Variants in TET3 observed in about 807,000 individuals in gnomAD.
TET3 encodes methylcytosine dioxygenase TET3.
Under a neutral mutation model 141.4 loss-of-function variants are expected in TET3, and 19 were observed. The observed-to-expected ratio is 0.13, with a 90% confidence interval of 0.09 to 0.20. The LOEUF (loss-of-function observed/expected upper bound fraction) is 0.20, where lower values mean the gene tolerates loss of function less well. Among genes scored for constraint, TET3 ranks in the 10% least tolerant of loss-of-function variants. The probability of loss-of-function intolerance (pLI) is 1.00; values close to 1 mark genes in which losing one functional copy is unlikely to be tolerated. For missense variants in TET3, 1,874 were observed against 2,356.9 expected (o/e 0.80, Z 4.24); for synonymous variants, 1,043 against 980.9 (o/e 1.06, Z -1.18).
chr2:74,033,518 G>A (rs1686865561), intron 3 of TET3, among the ~76,000 whole-genome samples: 1 of 152,104 alleles, frequency 6.6e-6, no homozygotes. Flanking sequence ...TTAAGCAGTT[G>A]TGTACATCTA....
At chr2:74,051,390 T>C (rs949166431) in intron 4 of TET3, among the ~76,000 whole-genome samples, 1 of 152,160 alleles carries the variant, frequency 6.6e-6, no homozygotes, top group African/African-American at 2.4e-5. Context: ...ATCATCTCAG[T>C]TGAGTTTTAG....
At chr2:74,021,412 C>T (rs948237135) in intron 3 of TET3, among the ~76,000 whole-genome samples, 2 of 152,266 alleles carry the variant, frequency 1.3e-5, no homozygotes, top group Admixed American at 6.5e-5. Flanking sequence ...TGTTTCTACA[C>T]TGCCACCTCC....
At chr2:74,095,893 C>T (rs1055424238) in intron 10 of TET3, among the ~76,000 whole-genome samples, 1 of 152,220 alleles carries the variant, frequency 6.6e-6, no homozygotes, top group African/African-American at 2.4e-5. Context: ...ACTAATTCTC[C>T]TACTTACTTG....
At chr2:74,124,096 C>A in the TET3 span, among the ~76,000 whole-genome samples, 1 of 151,108 alleles carries the variant, frequency 6.6e-6, no homozygotes, top group Non-Finnish European at 1.5e-5. Context: ...GGAGCCCCTC[C>A]GCCCAGCAGC....
In TET3 at chr2:74,080,515, A is replaced by G; in HGVS notation, c.2603A>G (p.Lys868Arg). The change falls in exon 6 of 12, where the codon AAA becomes AGA. Residue 868 changes from lysine (K) to arginine (R), a missense_variant. Coordinates refer to ENST00000409262, the MANE Select transcript of TET3 (RefSeq NM_001287491.2). ...CTCTTCAGGTATGGAGAGAAGGGGA[A>G]AGCCATCCGGATCGAGAAGGTCATC... ...LMEERYGEKGKAIRIEKVIYT... is the reference protein window; with the variant it reads ...LMEERYGEKGRAIRIEKVIYT... 2 of 1,612,522 alleles carry G rather than the reference A, an allele frequency of 1.2e-6. No homozygotes were observed. The highest frequency in any genetic ancestry group is 1.7e-4 in the Middle Eastern group (1 of 6,060).
chr2:74,074,857 TTTTG>T (rs370378893), intron 5 of TET3, among the ~76,000 whole-genome samples: 152 of 150,150 alleles, frequency 1.0e-3, no homozygotes, highest in South Asian at 5.6e-3. Context: ...CATTAGTGTT[TTTTG>T]TTTGTTTGTT....
At chr2:74,013,598 A>G (rs1021384067) in intron 3 of TET3, among the ~76,000 whole-genome samples, 3 of 151,944 alleles carry the variant, frequency 2.0e-5, no homozygotes, top group African/African-American at 7.2e-5. Context: ...TCACGAGGTC[A>G]GGAGATCGAG....
chr2:74,075,306 A>G (rs1218829990), intron 5 of TET3, among the ~76,000 whole-genome samples: 1 of 148,750 alleles, frequency 6.7e-6, no homozygotes, highest in East Asian at 2.0e-4. Context: ...TTGTCTGACC[A>G]TGAGAGCCAA....
intron 3 of TET3, among the ~76,000 whole-genome samples, chr2:74,005,420 C>G (rs1361528106): frequency 6.6e-6 from 1 of 152,246 alleles, no homozygotes; most frequent in Non-Finnish European, 1.5e-5. Flanking sequence ...AGCAAACACT[C>G]AGGTCTGAGT....
At chr2:74,094,231 C>T (rs553956702) in intron 10 of TET3, among the ~76,000 whole-genome samples, 4 of 152,234 alleles carry the variant, frequency 2.6e-5, no homozygotes, top group African/African-American at 9.6e-5. Flanking sequence ...GTGAATGGCG[C>T]AAGAGAGTGA....
chr2:73,984,488 G>A (rs1261983032), upstream of TET3, among the ~76,000 whole-genome samples: 2 of 152,086 alleles, frequency 1.3e-5, no homozygotes, highest in Admixed American at 6.5e-5. The surrounding 1 kb of genome is among the most constrained non-coding windows in gnomAD (Gnocchi z 5.6). Flanking sequence ...CCTCCCGGGG[G>A]CGCCGGGGCT....
chr2:74,121,260 G>C, the TET3 span: 1 of 152,178 alleles, frequency 6.6e-6, no homozygotes, highest in African/African-American at 2.4e-5. Flanking sequence ...TGAGCTGCAG[G>C]AATTTTACCA....
At chr2:74,019,899 C>T (rs1685944637) in intron 3 of TET3, among the ~76,000 whole-genome samples, 1 of 152,192 alleles carries the variant, frequency 6.6e-6, no homozygotes, top group Non-Finnish European at 1.5e-5. Flanking sequence ...TTAGTGCTAA[C>T]TAGTTGGGAG....
rs1347585606 is a variant in TET3 at position 74,099,558 on chromosome 2, C to A, written c.3550C>A (p.Pro1184Thr). The A allele has an allele frequency of 2.5e-6, 4 of 1,607,856 alleles. No homozygotes were observed. The highest frequency in any genetic ancestry group is 4.5e-5 in the East Asian group (2 of 44,556). Residue 1184 changes from proline to threonine, a missense_variant, in exon 11 of 12, where the codon CCG becomes ACG. Transcript: ENST00000409262. Reference protein sequence around the residue: ...KKIQKEKLSTPEKIKQEALEL... With the variant: ...KKIQKEKLSTTEKIKQEALEL... ...GATTCAGAAGGAGAAGCTGAGCACT[C>A]CGGAGAAGATCAAGCAGGAGGCCCT...
At chr2:74,132,853 C>T in the TET3 span, among the ~76,000 whole-genome samples, 1 of 152,040 alleles carries the variant, frequency 6.6e-6, no homozygotes, top group African/African-American at 2.4e-5. Context: ...CTTAGCTGGA[C>T]CCGTGTCCTT....
chr2:74,100,168 G>T (rs575352848), intron 11 of TET3, among the ~76,000 whole-genome samples: 1 of 152,128 alleles, frequency 6.6e-6, no homozygotes, highest in Non-Finnish European at 1.5e-5. Flanking sequence ...AGCAGGGATC[G>T]CCTCCTCCCA....
At chr2:74,064,665 C>G (rs899780043) in intron 4 of TET3, among the ~76,000 whole-genome samples, 1 of 152,086 alleles carries the variant, frequency 6.6e-6, no homozygotes, top group Non-Finnish European at 1.5e-5. Flanking sequence ...TCCCAAAGTA[C>G]TGAGATTATA....
intron 3 of TET3, among the ~76,000 whole-genome samples, chr2:74,013,686 C>T (rs1685586720): frequency 6.6e-6 from 1 of 152,012 alleles, no homozygotes; most frequent in Non-Finnish European, 1.5e-5. Flanking sequence ...GTGGCGGGTG[C>T]TTGTATTCCC....
At chr2:73,996,245 T>C (rs1409265762) in intron 2 of TET3, among the ~76,000 whole-genome samples, 1 of 152,182 alleles carries the variant, frequency 6.6e-6, no homozygotes, top group Non-Finnish European at 1.5e-5. Flanking sequence ...TTCACTCCGT[T>C]ACAGCTCCTT....
Sources: gnomAD v4.1 joint callset for allele counts (sites outside exome capture counted in the v4.1 genomes callset) on GRCh38, gnomAD v4.1.1 for gene constraint, Gnocchi (gnomAD v3.1) non-coding constraint, MANE v1.5 for transcripts, NCBI Gene and HGNC (gene_info 2026-07-23, HGNC 2026-07-21) for gene names.